The following HSPBAP1 variants were observed in gnomAD, a reference collection of about 807,000 sequenced individuals.
The protein encoded by HSPBAP1 is HSPB1 associated protein 1, also known as HSPB1-associated protein 1.
In HSPBAP1, 27 loss-of-function variants were observed where a neutral mutation model predicts 45.2. The ratio of observed to expected loss-of-function variants is 0.60; its 90% CI spans 0.44 to 0.82. The LOEUF is 0.82. Ranked by LOEUF, HSPBAP1 falls within the 40% of genes least tolerant of loss-of-function variation. The probability of loss-of-function intolerance (pLI) is 0.00; values close to 1 mark genes in which losing one functional copy is unlikely to be tolerated. For missense variants in HSPBAP1, 510 were observed against 590.9 expected (o/e 0.86, Z 1.42); for synonymous variants, 204 against 202.7 (o/e 1.01, Z -0.06).
intron 1 of HSPBAP1, among the ~76,000 whole-genome samples, chr3:122,792,017 G>A (rs1216937604): frequency 6.6e-6 from 1 of 152,152 alleles, no homozygotes; most frequent in Non-Finnish European, 1.5e-5. Context: ...GTCTGATAGT[G>A]AAAGGAAAAA....
chr3:122,745,286 C>T (rs1933806547), intron 6 of HSPBAP1, among the ~76,000 whole-genome samples: 1 of 151,536 alleles, frequency 6.6e-6, no homozygotes, highest in Non-Finnish European at 1.5e-5. Flanking sequence ...TATAAAACTA[C>T]CACAAAATAA....
chr3:122,792,877 GAAA>G (rs11362705), intron 1 of HSPBAP1, among the ~76,000 whole-genome samples: 2 of 142,982 alleles, frequency 1.4e-5, no homozygotes, highest in Admixed American at 6.9e-5. Context: ...CTCAAAAAAA[GAAA>G]AAAAAAAAAA....
intron 1 of HSPBAP1, among the ~76,000 whole-genome samples, chr3:122,778,528 T>A (rs868496356): frequency 0.011 from 1,473 of 133,864 alleles, 27 homozygotes; most frequent in African/African-American, 0.037. Context: ...TTTTTATTTT[T>A]TTTTTTTTTT....
intron 2 of HSPBAP1, among the ~76,000 whole-genome samples, chr3:122,774,776 A>C (rs1350755472): frequency 6.6e-6 from 1 of 152,164 alleles, no homozygotes; most frequent in East Asian, 1.9e-4. Flanking sequence ...CTAGATATTT[A>C]GGATGTAAGT....
Position 122,740,451 on chromosome 3 carries a change from G to A in HSPBAP1, c.1361C>T (p.Thr454Met), listed in dbSNP as rs769362015. The A allele has an allele frequency of 8.2e-5, 133 of 1,613,814 alleles. No homozygotes were observed. Among genetic ancestry groups the A allele is most frequent in the Non-Finnish European group, 1.1e-4 (130 of 1,179,806 alleles). Reference sequence around the variant, plus strand: ...CGTAGAAATGAATGTTTGAGGAGTCGTAGTAGTATTTGAGGCAATCTGTTC... The same window carrying A: ...CGTAGAAATGAATGTTTGAGGAGTCATAGTAGTATTTGAGGCAATCTGTTC... ...IEEQIASNTTTTPQTFISTDD... is the reference protein window; with the variant it reads ...IEEQIASNTTMTPQTFISTDD... The change falls in exon 8 of 8, where the codon ACG becomes ATG. Residue 454 changes from threonine (T) to methionine (M), a missense_variant. Coordinates refer to ENST00000306103, the MANE Select transcript of HSPBAP1 (RefSeq NM_024610.6).
chr3:122,793,241 T>C (rs548885198), intron 1 of HSPBAP1, among the ~76,000 whole-genome samples: 22 of 152,350 alleles, frequency 1.4e-4, no homozygotes, highest in Admixed American at 8.5e-4. Context: ...GCATAATCCC[T>C]GTTCACAAAA....
intron 3 of HSPBAP1, among the ~76,000 whole-genome samples, chr3:122,767,606 G>A (rs1049774381): frequency 6.6e-6 from 1 of 151,978 alleles, no homozygotes; most frequent in Non-Finnish European, 1.5e-5. Flanking sequence ...GGGGCAAGGT[G>A]ACACATTTTT....
chr3:122,760,226 T>A (rs1249627265), intron 3 of HSPBAP1, among the ~76,000 whole-genome samples: 3 of 151,760 alleles, frequency 2.0e-5, no homozygotes, highest in Non-Finnish European at 4.4e-5. Flanking sequence ...GGGTCACACA[T>A]AAACCCAAAT....
intron 6 of HSPBAP1, among the ~76,000 whole-genome samples, chr3:122,746,472 C>A (rs979317022): frequency 6.6e-6 from 1 of 150,412 alleles, no homozygotes. Flanking sequence ...CAAAATAGAC[C>A]CAGATATGTT....
chr3:122,761,622 T>G (rs1227439916), intron 3 of HSPBAP1: 3 of 150,552 alleles, frequency 2.0e-5, no homozygotes, highest in Admixed American at 6.6e-5. Flanking sequence ...AAGGTTTTTT[T>G]TTTTTTTTTA....
intron 1 of HSPBAP1, chr3:122,786,536 G>T (rs1003431842): frequency 6.6e-6 from 1 of 151,974 alleles, no homozygotes; most frequent in African/African-American, 2.4e-5. Context: ...GTAGTATTTT[G>T]ACAAAAAAGC....
chr3:122,765,831 TAA>T, intron 3 of HSPBAP1, among the ~76,000 whole-genome samples: 1 of 152,326 alleles, frequency 6.6e-6, no homozygotes, highest in East Asian at 1.9e-4. Context: ...ATGGATTTTA[TAA>T]GAGTAGAGAG....
chr3:122,754,124 C>T (rs187114022), intron 5 of HSPBAP1: 112 of 154,560 alleles, frequency 7.2e-4, no homozygotes, highest in Non-Finnish European at 1.5e-3. Flanking sequence ...AGCAATTCTA[C>T]TCCTAGGTAT....
At chr3:122,746,914 C>G (rs1052719826) in intron 6 of HSPBAP1, among the ~76,000 whole-genome samples, 1 of 151,954 alleles carries the variant, frequency 6.6e-6, no homozygotes, top group African/African-American at 2.4e-5. Context: ...CTCGGCCTCC[C>G]GAGGTGCTGG....
chr3:122,781,361 C>G (rs556892436), intron 1 of HSPBAP1, among the ~76,000 whole-genome samples: 1 of 152,186 alleles, frequency 6.6e-6, no homozygotes, highest in Non-Finnish European at 1.5e-5. Context: ...GAGACCGGCC[C>G]GGCCAACACA....
chr3:122,780,054 G>C (rs1576270753), intron 1 of HSPBAP1, among the ~76,000 whole-genome samples: 2 of 152,276 alleles, frequency 1.3e-5, no homozygotes, highest in Middle Eastern at 3.4e-3. Context: ...CAGCCGGGCA[G>C]AGGGGCTCCT....
At chr3:122,753,353 T>C in intron 5 of HSPBAP1, 1 of 796,230 alleles carries the variant, frequency 1.3e-6, no homozygotes, top group Non-Finnish European at 1.5e-6. Context: ...TAATGGGAGA[T>C]AAGGTAGGGG....
At chr3:122,773,725 C>T (rs1935091861) in intron 2 of HSPBAP1, among the ~76,000 whole-genome samples, 1 of 152,170 alleles carries the variant, frequency 6.6e-6, no homozygotes. Context: ...GCAGCCTCGA[C>T]CTCCCAGGCT....
At chr3:122,778,206 G>GTTT (rs71136591) in intron 1 of HSPBAP1, among the ~76,000 whole-genome samples, 1 of 77,540 alleles carries the variant, frequency 1.3e-5, no homozygotes, top group Non-Finnish European at 3.4e-5. Flanking sequence ...TCAACAGGTA[G>GTTT]TTTTTTTTGT....
Sources: allele counts gnomAD v4.1 joint callset (sites outside exome capture counted in the v4.1 genomes callset), GRCh38; gene constraint gnomAD v4.1.1; transcripts MANE v1.5; gene names NCBI Gene and HGNC (gene_info 2026-07-23, HGNC 2026-07-21).